Variants in TPST1 observed in about 807,000 individuals in gnomAD.
TPST1 encodes the protein tyrosylprotein sulfotransferase 1, also known as protein-tyrosine sulfotransferase 1.
In TPST1, 20 loss-of-function variants were observed where a neutral mutation model predicts 34.8. The ratio of observed to expected loss-of-function variants is 0.57; its 90% CI spans 0.40 to 0.84. The LOEUF is 0.84. TPST1 is among the 40% of genes least tolerant of loss of function. TPST1 has a pLI of 0.00. For synonymous variants in TPST1, 152 were observed against 159.4 expected, an observed-to-expected ratio of 0.95 and a Z score of 0.35; for missense variants, 353 against 455.5, an observed-to-expected ratio of 0.78 and a Z score of 2.05.
chr7:66,200,223 C>T, the TPST1 span, among the ~76,000 whole-genome samples: 1 of 152,082 alleles, frequency 6.6e-6, no homozygotes, highest in South Asian at 2.1e-4. Context: ...GGTGAGTTCC[C>T]AAGGTAGAAG....
intron 1 of TPST1, among the ~76,000 whole-genome samples, chr7:66,211,486 CT>C (rs1410182145): frequency 2.0e-5 from 3 of 152,190 alleles, no homozygotes; most frequent in African/African-American, 7.2e-5. Context: ...CCTTATTTAT[CT>C]TTTCATCACT....
chr7:66,207,455 G>T (rs373006821), intron 1 of TPST1, among the ~76,000 whole-genome samples: 2 of 152,156 alleles, frequency 1.3e-5, no homozygotes, highest in African/African-American at 4.8e-5. Flanking sequence ...GAAAGCTAAC[G>T]TCTTTGATCT....
chr7:66,238,271 A>C (rs1409806161), intron 1 of TPST1, among the ~76,000 whole-genome samples: 1 of 152,140 alleles, frequency 6.6e-6, no homozygotes, highest in Non-Finnish European at 1.5e-5. Flanking sequence ...CAGACCCCTA[A>C]TAAAACTTGT....
chr7:66,201,896 G>A (rs989821424), upstream of TPST1, among the ~76,000 whole-genome samples: 2 of 149,114 alleles, frequency 1.3e-5, no homozygotes, highest in Non-Finnish European at 3.0e-5. Flanking sequence ...CAAGCATATA[G>A]CACATAATTT....
chr7:66,283,225 C>A (rs923703757), intron 2 of TPST1, among the ~76,000 whole-genome samples: 7 of 152,160 alleles, frequency 4.6e-5, no homozygotes, highest in Non-Finnish European at 5.9e-5. Flanking sequence ...TGCGTCACTG[C>A]ACTCCAGCCT....
chr7:66,211,570 T>C (rs2116221195), intron 1 of TPST1, among the ~76,000 whole-genome samples: 1 of 152,390 alleles, frequency 6.6e-6, no homozygotes, highest in East Asian at 1.9e-4. Context: ...ATAAGTGATA[T>C]AAAACAGAGC....
intron 5 of TPST1, 97 bp downstream of exon 5, chr7:66,356,968 G>A (rs139637331): frequency 3.4e-5 from 41 of 1,209,794 alleles, no homozygotes; most frequent in Middle Eastern, 2.2e-4. Flanking sequence ...TCTGGAGTCC[G>A]TCTGCCAGGG....
chr7:66,224,361 C>T (rs1263012548), intron 1 of TPST1, among the ~76,000 whole-genome samples: 4 of 152,172 alleles, frequency 2.6e-5, no homozygotes, highest in Non-Finnish European at 5.9e-5. Context: ...AGTCAGCAGG[C>T]ACAGTGGTAT....
At chr7:66,243,258 C>T (rs1002017187) in intron 2 of TPST1, among the ~76,000 whole-genome samples, 2 of 151,950 alleles carry the variant, frequency 1.3e-5, no homozygotes, top group African/African-American at 4.8e-5. Flanking sequence ...TGTAAATGAA[C>T]ATGTTCTAGT....
intron 3 of TPST1, among the ~76,000 whole-genome samples, chr7:66,347,345 G>A (rs1792377714): frequency 6.6e-6 from 1 of 152,058 alleles, no homozygotes; most frequent in African/African-American, 2.4e-5. Context: ...TGGGATTATA[G>A]GTGTGAGCCA....
intron 3 of TPST1, among the ~76,000 whole-genome samples, chr7:66,298,845 C>T (rs919568002): frequency 2.4e-4 from 36 of 152,008 alleles, no homozygotes. Flanking sequence ...GATAGTAGGC[C>T]GGGTGCAGTG....
intron 3 of TPST1, among the ~76,000 whole-genome samples, chr7:66,324,381 T>G (rs1340271181): frequency 6.6e-6 from 1 of 152,216 alleles, no homozygotes; most frequent in Non-Finnish European, 1.5e-5. Flanking sequence ...AGAATTTGAT[T>G]GAGCTGTTTA....
intron 3 of TPST1, chr7:66,344,321 AC>A (rs1175081685): frequency 6.6e-6 from 1 of 152,194 alleles, no homozygotes; most frequent in African/African-American, 2.4e-5. Flanking sequence ...CTTTGGCTGA[AC>A]CTAACACTAA....
At chr7:66,348,920 C>A (rs964020887) in intron 3 of TPST1, among the ~76,000 whole-genome samples, 1 of 152,014 alleles carries the variant, frequency 6.6e-6, no homozygotes, top group Admixed American at 6.6e-5. Context: ...ACAGTAACAT[C>A]GCATACCTAG....
intron 2 of TPST1, among the ~76,000 whole-genome samples, chr7:66,246,316 C>T (rs2115562748): frequency 6.6e-6 from 1 of 150,970 alleles, no homozygotes; most frequent in East Asian, 2.0e-4. Flanking sequence ...CCGCTGTGAG[C>T]TGCCATGCCC....
chr7:66,207,113 G>A (rs2116191589), intron 1 of TPST1, among the ~76,000 whole-genome samples: 1 of 152,256 alleles, frequency 6.6e-6, no homozygotes, highest in African/African-American at 2.4e-5. Context: ...CTGCTCCTGG[G>A]CTCCCAAGGC....
At chr7:66,349,573 AAACAAC>A (rs374373195) in intron 3 of TPST1, among the ~76,000 whole-genome samples, 19 of 152,064 alleles carry the variant, frequency 1.2e-4, no homozygotes, top group Admixed American at 1.0e-3. Flanking sequence ...CTCCGTCTCA[AAACAAC>A]AACAACAACA....
At chr7:66,305,652 C>T (rs12538379) in intron 3 of TPST1, among the ~76,000 whole-genome samples, 5,592 of 152,270 alleles carry the variant, frequency 0.037, 164 homozygotes, top group East Asian at 0.088. Flanking sequence ...ACAGTCTCAG[C>T]TCTCTGTTCA....
At chr7:66,205,039 C>T (rs1562791411), upstream of TPST1, among the ~76,000 whole-genome samples, 2 of 152,222 alleles carry the variant, frequency 1.3e-5, no homozygotes. The surrounding 1 kb of genome is among the most constrained non-coding windows in gnomAD (Gnocchi z 5.0). Flanking sequence ...AGCCAGGCCA[C>T]GCGCGCTGTT....
Sources: allele counts gnomAD v4.1 joint callset (sites outside exome capture counted in the v4.1 genomes callset), GRCh38; gene constraint gnomAD v4.1.1; non-coding constraint Gnocchi (gnomAD v3.1); transcripts MANE v1.5; gene names NCBI Gene and HGNC (gene_info 2026-07-23, HGNC 2026-07-21).